The following AKAP13 variants were observed in gnomAD, a reference collection of about 807,000 sequenced individuals.
The protein encoded by AKAP13 is A-kinase anchor protein 13.
A neutral mutation model predicts 264.5 loss-of-function variants in AKAP13; 80 were observed. The observed-to-expected ratio is 0.30, with a 90% CI of 0.25 to 0.36. The LOEUF (loss-of-function observed/expected upper bound fraction) is 0.36, where lower values mean the gene tolerates loss of function less well. Among genes scored for constraint, AKAP13 ranks in the 10% least tolerant of loss-of-function variants. The probability of loss-of-function intolerance (pLI) is 1.00; values close to 1 mark genes in which losing one functional copy is unlikely to be tolerated. For missense variants in AKAP13, 3,712 were observed against 3,435.2 expected, an observed-to-expected ratio of 1.08 and a Z score of -2.01; for synonymous variants, 1,380 against 1,250.2, an observed-to-expected ratio of 1.10 and a Z score of -2.19.
intron 19 of AKAP13, among the ~76,000 whole-genome samples, chr15:85,711,810 C>G (rs2086645427): frequency 6.6e-6 from 1 of 152,164 alleles, no homozygotes; most frequent in Admixed American, 6.5e-5. Flanking sequence ...ATGGGACCAG[C>G]ATTCTGTGTT....
chr15:85,682,413 T>A, intron 15 of AKAP13, among the ~76,000 whole-genome samples: 1 of 152,236 alleles, frequency 6.6e-6, no homozygotes, highest in East Asian at 1.9e-4. Context: ...TTATTAATTA[T>A]ACTGTCCTCA....
intron 8 of AKAP13, among the ~76,000 whole-genome samples, chr15:85,595,075 A>G (rs998175797): frequency 1.6e-4 from 24 of 152,212 alleles, no homozygotes; most frequent in Admixed American, 1.4e-3. Context: ...AAATTATTGC[A>G]TCAAATTTGG....
intron 17 of AKAP13, 141 bp from the exon 18 acceptor site, chr15:85,707,878 G>A (rs1313336786): frequency 1.4e-6 from 1 of 721,166 alleles, no homozygotes; most frequent in South Asian, 1.6e-5. Context: ...GAAGAGGACT[G>A]CAGTGTGTAA....
rs746907202 is a variant in AKAP13 at position 85,741,458 on chromosome 15, G to A, written c.8021G>A (p.Arg2674Gln). ...GAGCAGCTGCGCCGGGAGGCAGAGC[G>A]GCTCAGCCAGCGGCAGACAGAACGG... ...EQEQLRREAE[R>Q]LSQRQTERDL... The change falls in exon 35 of 37, where the codon CGG becomes CAG. Residue 2674 changes from arginine (R) to glutamine (Q), a missense_variant. By Grantham distance (43) the Arg-to-Gln change is conservative (BLOSUM62 1). Transcript: ENST00000394518. 4 of 1,605,870 alleles carry A rather than the reference G, an allele frequency of 2.5e-6. No homozygotes were observed. Among genetic ancestry groups the A allele is most frequent in the South Asian group, 1.1e-5 (1 of 90,792 alleles).
intron 3 of AKAP13, among the ~76,000 whole-genome samples, chr15:85,532,130 C>A (rs2077261379): frequency 6.6e-6 from 1 of 152,180 alleles, no homozygotes; most frequent in Non-Finnish European, 1.5e-5. Context: ...AGATGACTGT[C>A]AGATGCCTGG....
chr15:85,490,832 A>G (rs140000566), intron 2 of AKAP13, among the ~76,000 whole-genome samples: 170 of 152,296 alleles, frequency 1.1e-3, no homozygotes, highest in Non-Finnish European at 2.2e-3. Context: ...AGACAGCAAG[A>G]TAACATATCA....
intron 8 of AKAP13, among the ~76,000 whole-genome samples, chr15:85,609,242 A>C (rs948075306): frequency 6.6e-6 from 1 of 152,108 alleles, no homozygotes; most frequent in Non-Finnish European, 1.5e-5. Flanking sequence ...CTCTTTACCC[A>C]TTGACCAACC....
intron 26 of AKAP13, 121 bp from the exon 27 acceptor site, chr15:85,726,289 A>T: frequency 1.5e-6 from 1 of 649,640 alleles, no homozygotes. Flanking sequence ...CTCAGATCAT[A>T]GTTTGCCCGT....
At chr15:85,474,940 G>C (rs2075103052) in intron 1 of AKAP13, among the ~76,000 whole-genome samples, 1 of 152,198 alleles carries the variant, frequency 6.6e-6, no homozygotes, top group South Asian at 2.1e-4. Flanking sequence ...GAGAAGGTGG[G>C]CCGTGCCTGC....
chr15:85,432,322 C>G (rs2073060989), intron 1 of AKAP13, among the ~76,000 whole-genome samples: 1 of 151,600 alleles, frequency 6.6e-6, no homozygotes, highest in Non-Finnish European at 1.5e-5. Context: ...TCTTTTTACC[C>G]CATTATTTTC....
At chr15:85,418,201 G>A (rs1055858248) in intron 1 of AKAP13, among the ~76,000 whole-genome samples, 2 of 151,642 alleles carry the variant, frequency 1.3e-5, no homozygotes, top group African/African-American at 2.4e-5. Flanking sequence ...TCAGCCTCCC[G>A]AGTAGCTGGG....
chr15:85,735,046 C>G lies in AKAP13; in HGVS notation c.7337C>G (p.Thr2446Ser). The change falls in exon 31 of 37, where the codon ACT becomes AGT. Residue 2446 changes from threonine to serine, a missense_variant. Around this residue, in one of 3 missense-constraint regions of AKAP13, gnomAD observed 611 missense variants for 539.3 expected, o/e 1.13. Transcript: ENST00000394518. ...AATCTGGGAGGCACACTTGGGCCGACTGTCAGCAGCCCCATTGAGCAAGAT... is the reference window on the plus strand; with the variant it reads ...AATCTGGGAGGCACACTTGGGCCGAGTGTCAGCAGCCCCATTGAGCAAGAT... ...SGNLGGTLGP[T>S]VSSPIEQDVV... The G allele has an allele frequency of 6.2e-7, 1 of 1,614,246 alleles. No homozygotes were observed. The highest frequency in any genetic ancestry group is 1.7e-5 in the Admixed American group (1 of 60,026).
At chr15:85,560,864 A>G (rs970220334) in intron 5 of AKAP13, among the ~76,000 whole-genome samples, 15 of 152,112 alleles carry the variant, frequency 9.9e-5, no homozygotes, top group Non-Finnish European at 1.5e-4. Flanking sequence ...ATTCATTGCA[A>G]TGTGGCCAGT....
intron 2 of AKAP13, among the ~76,000 whole-genome samples, chr15:85,511,784 G>A (rs904284292): frequency 2.0e-5 from 3 of 152,062 alleles, no homozygotes; most frequent in African/African-American, 2.4e-5. Context: ...GAGCCACTGC[G>A]CCTGGCCCAA....
chr15:85,399,512 A>AAAAAAAAT lies in AKAP13; in HGVS notation c.-12+18721_-12+18722insTAAAAAAA, dbSNP rs1567038547. On this transcript the variant is annotated intron_variant, in intron 1 of 36. Transcript: ENST00000394518. Reference sequence around the variant, plus strand: ...AGCGAGACTCCGTCTCAAAAAAAAAAAAAAAAAAAATAAAAAAATAAAAAA... The same window carrying AAAAAAAAT: ...AGCGAGACTCCGTCTCAAAAAAAAAAAAAAAAATAAAAAAAAAATAAAAAAATAAAAAA... Among the ~76,000 whole-genome samples the AAAAAAAAT allele has an allele frequency of 2.6e-4, 23 of 89,662 alleles. 1 individual carries two copies. The highest frequency in any genetic ancestry group is 4.1e-4 in the East Asian group (2 of 4,820). 58.8% of individuals were successfully genotyped at this position (89,662 alleles called of 152,430 possible).
chr15:85,656,739 C>T (rs917183148), intron 11 of AKAP13, among the ~76,000 whole-genome samples: 2 of 152,202 alleles, frequency 1.3e-5, no homozygotes, highest in South Asian at 2.1e-4. Context: ...TGAGCCAGCG[C>T]GCCTGGCCTG....
At chr15:85,675,918 C>CT (rs143290741) in intron 14 of AKAP13, among the ~76,000 whole-genome samples, 20,421 of 145,652 alleles carry the variant, frequency 0.14, 1,987 homozygotes, top group East Asian at 0.37. Flanking sequence ...CAGTAGAAGG[C>CT]TTTTTTTTTT....
chr15:85,647,923 A>G (rs2467098), intron 10 of AKAP13, among the ~76,000 whole-genome samples: 96,175 of 152,014 alleles, frequency 0.63, 30,573 homozygotes, highest in Middle Eastern at 0.71. Flanking sequence ...GCGAGACTCC[A>G]TCTCAAAAAA....
intron 1 of AKAP13, among the ~76,000 whole-genome samples, chr15:85,476,943 G>A (rs1261517051): frequency 6.6e-6 from 1 of 152,106 alleles, no homozygotes; most frequent in African/African-American, 2.4e-5. Context: ...TAGGAATATG[G>A]GTCCCAGAGT....
Sources: gnomAD v4.1 joint callset for allele counts (sites outside exome capture counted in the v4.1 genomes callset) on GRCh38, gnomAD v4.1.1 for gene constraint, gnomAD v4.1.1 regional missense constraint, MANE v1.5 for transcripts, NCBI Gene and HGNC (gene_info 2026-07-23, HGNC 2026-07-21) for gene names.